LARP6: variants seen among roughly 807,000 people sequenced by gnomAD.
The protein encoded by LARP6 is la-related protein 6.
A neutral mutation model predicts 32.8 loss-of-function variants in LARP6; 18 were observed. The ratio of observed to expected loss-of-function variants is 0.55; its 90% confidence interval spans 0.38 to 0.81. The LOEUF is 0.81. LARP6 is among the 40% of genes least tolerant of loss of function. LARP6 has a pLI of 0.00. For missense variants in LARP6, 598 were observed against 663.1 expected (o/e 0.90, Z 1.08); for synonymous variants, 289 against 267.2 (o/e 1.08, Z -0.80).
chr15:70,837,633 C>T (rs1333971883), intron 1 of LARP6, among the ~76,000 whole-genome samples: 5 of 152,252 alleles, frequency 3.3e-5, no homozygotes, highest in Non-Finnish European at 7.4e-5. Context: ...TGCAGTGGTG[C>T]GATCTCCATG....
chr15:70,833,214 A>ACTAGAATCCCTGTATTCTAGTGT lies in LARP6; in HGVS notation c.412-121_412-99dup, dbSNP rs1297531311. ...TCCCTCACTTCCTTATCCCTGTAAC[A>ACTAGAATCCCTGTATTCTAGTGT]CTAGAATCCCTGTATTCTAGTGTCT... is the stretch of plus-strand genomic sequence containing the variant. On this transcript the variant is annotated intron_variant, in intron 2 of 2. Transcript: ENST00000299213. 3.2e-6 allele frequency: 3 copies of ACTAGAATCCCTGTATTCTAGTGT among 931,482 alleles called. No homozygotes were observed. The Admixed American group carries it at 5.9e-5, about 18-fold the overall frequency. The allele number at this position is 931,482 out of a possible 1,614,324, so 57.7% of individuals were successfully genotyped here.
chr15:70,854,128 C>G lies in LARP6; in HGVS notation c.-40G>C. On this transcript the variant is annotated 5_prime_UTR_variant, in exon 1 of 3. Coordinates refer to ENST00000299213, the MANE Select transcript of LARP6 (RefSeq NM_018357.4). ...CGGCGCCGCCGGGGTCCTCACGCCG[C>G]AAGGCCCAGCCAGCCGGTCGGCAGC... 1 of 1,217,022 alleles carries G rather than the reference C, an allele frequency of 8.2e-7. No individual in the cohort carries two copies. The highest frequency in any genetic ancestry group is 3.6e-5 in the South Asian group (1 of 27,860). The allele number at this position is 1,217,022 out of a possible 1,614,324, so 75.4% of individuals were successfully genotyped here.
intron 2 of LARP6, among the ~76,000 whole-genome samples, 181 bp from the exon 3 acceptor site, chr15:70,833,297 A>T (rs1205749049): frequency 2.6e-5 from 4 of 152,234 alleles, no homozygotes; most frequent in African/African-American, 9.6e-5. Context: ...TAAGTGAATG[A>T]AAACAAGTTC....
intron 1 of LARP6, among the ~76,000 whole-genome samples, chr15:70,848,382 A>C (rs1342111859): frequency 6.6e-6 from 1 of 152,226 alleles, no homozygotes; most frequent in Non-Finnish European, 1.5e-5. Context: ...AGTTTGGAGT[A>C]GAGACTACGT....
chr15:70,846,723 C>G (rs890525506), intron 1 of LARP6, among the ~76,000 whole-genome samples: 1 of 151,910 alleles, frequency 6.6e-6, no homozygotes, highest in African/African-American at 2.4e-5. Flanking sequence ...TAACCAGCAT[C>G]AAAACTTATT....
chr15:70,831,985 G>C lies in LARP6; in HGVS notation c.*67C>G, dbSNP rs539793434. 2.5e-5 allele frequency: 27 copies of C among 1,086,324 alleles called. 1 individual carries two copies. The South Asian group carries it at 5.1e-4, about 20-fold the overall frequency. 67.3% of individuals were successfully genotyped at this position (1,086,324 alleles called of 1,614,324 possible). On this transcript the variant is annotated 3_prime_UTR_variant, in exon 3 of 3. Coordinates refer to ENST00000299213, the MANE Select transcript of LARP6 (RefSeq NM_018357.4). ...GAACGAATTCCATTCTGTCATGCCA[G>C]GTGTTTGTCAGAACCTTGAAAACGA... is the stretch of plus-strand genomic sequence containing the variant.
chr15:70,847,601 C>A (rs2032371969), intron 1 of LARP6, among the ~76,000 whole-genome samples: 1 of 152,094 alleles, frequency 6.6e-6, no homozygotes, highest in African/African-American at 2.4e-5. Flanking sequence ...AAACTCCTAA[C>A]TTTGTGATCT....
chr15:70,844,248 T>C (rs748334888), intron 1 of LARP6, among the ~76,000 whole-genome samples: 1 of 152,164 alleles, frequency 6.6e-6, no homozygotes, highest in Non-Finnish European at 1.5e-5. Flanking sequence ...TGAGCCACCA[T>C]GCCCGGCCCT....
intron 1 of LARP6, among the ~76,000 whole-genome samples, chr15:70,841,500 G>T (rs1418674327): frequency 6.6e-6 from 1 of 152,172 alleles, no homozygotes; most frequent in Non-Finnish European, 1.5e-5. Context: ...TTGAATGTAT[G>T]TCTTAGGCAG....
intron 1 of LARP6, among the ~76,000 whole-genome samples, chr15:70,845,359 G>GCT (rs1439651094): frequency 6.6e-6 from 1 of 152,178 alleles, no homozygotes; most frequent in Non-Finnish European, 1.5e-5. Flanking sequence ...ACAGTGTTAA[G>GCT]AAGTACTGGT....
rs1372368027 is a variant in LARP6, at chr15:70,833,108, A to C, written c.420T>G (p.His140Gln). 6.2e-7 allele frequency: 1 copy of C among 1,613,700 alleles called. No homozygotes were observed. Among genetic ancestry groups the C allele is most frequent in the Non-Finnish European group, 8.5e-7 (1 of 1,179,770 alleles). The change falls in exon 3 of 3, where the codon CAT becomes CAG. Residue 140 changes from histidine (H) to glutamine (Q), a missense_variant. His to Gln is a conservative substitution (Grantham distance 24, BLOSUM62 0). Coordinates refer to ENST00000299213, the MANE Select transcript of LARP6 (RefSeq NM_018357.4). The stretch of plus-strand genomic sequence containing the variant: ...CTGTGGTTCTCCAGTCCCGTGTAAG[A>C]TGTTTCACCTGCAGAACATAAAGCA... Reference protein sequence around the residue: ...KLLTSFKKVKHLTRDWRTTAH... With the variant: ...KLLTSFKKVKQLTRDWRTTAH...
intron 1 of LARP6, among the ~76,000 whole-genome samples, chr15:70,845,666 G>T (rs1432860741): frequency 1.3e-5 from 2 of 152,350 alleles, no homozygotes; most frequent in South Asian, 4.2e-4. Flanking sequence ...AGGGTGTGGG[G>T]AGTTATACTC....
intron 1 of LARP6, among the ~76,000 whole-genome samples, chr15:70,851,243 A>G (rs1162766039): frequency 6.6e-6 from 1 of 152,220 alleles, no homozygotes; most frequent in Non-Finnish European, 1.5e-5. Context: ...AAACACATAC[A>G]TTGTATATCC....
Position 70,832,803 on chromosome 15 carries a change from T to G in LARP6, c.725A>C (p.Asp242Ala). The change falls in exon 3 of 3, where the codon GAC (aspartate) becomes GCC (alanine). Residue 242 changes from aspartate to alanine, a missense_variant. Physicochemically the swap from Asp to Ala is moderately radical, Grantham distance 126 (BLOSUM62 -2). Around this residue, in one of 3 missense-constraint regions of LARP6, gnomAD observed 368 missense variants for 397.9 expected, o/e 0.92. Transcript: ENST00000299213. ...ILKPGRELPP[D>A]IRRISSRYSQ... is the part of the protein sequence containing the mutation. ...GTAGCGGCTGCTGATCCTCCGGATG[T>G]CAGGGGGCAGCTCTCTCCCAGGTTT... is the stretch of plus-strand genomic sequence containing the variant. 1 of 1,612,292 alleles carries G rather than the reference T, an allele frequency of 6.2e-7. No homozygotes were observed. Among genetic ancestry groups the G allele is most frequent in the South Asian group, 1.1e-5 (1 of 90,794 alleles).
In LARP6 at chr15:70,830,390, G is replaced by A. The variant is rs1250319452; in HGVS notation, c.*1662C>T. 1.3e-5 allele frequency: 2 copies of A among 152,368 alleles called. No individual in the cohort carries two copies. Among genetic ancestry groups the A allele is most frequent in the East Asian group, 3.9e-4 (2 of 5,190 alleles). 9.4% of individuals were successfully genotyped at this position (152,368 alleles called of 1,614,324 possible). ...GATGGACACTGAGAGTAAGTGAAAT[G>A]TGTCTAACCCAATGCCTAGCACGTA... On this transcript the variant is annotated 3_prime_UTR_variant, in exon 3 of 3. Coordinates refer to ENST00000299213, the MANE Select transcript of LARP6 (RefSeq NM_018357.4).
At position 70,832,073 on chromosome 15, in the gene LARP6, C is replaced by G. The variant is rs888073808; in HGVS notation, c.1455G>C (p.Glu485Asp). Residue 485 changes from glutamate to aspartate, a missense_variant, in exon 3 of 3, where the codon GAG becomes GAC. Transcript: ENST00000299213. ...PDNTRGFHGH[E>D]RSRACV Reference sequence around the variant, plus strand: ...GTATTTATACACAGGCCCTGCTCCTCTCATGGCCATGAAATCCTCTGGTGT... The same window carrying G: ...GTATTTATACACAGGCCCTGCTCCTGTCATGGCCATGAAATCCTCTGGTGT... 2.0e-6 allele frequency: 3 copies of G among 1,531,380 alleles called. No homozygotes were observed. The South Asian group carries it at 3.9e-5, about 20-fold the overall frequency. The allele number at this position is 1,531,380 out of a possible 1,614,324, so 94.9% of individuals were successfully genotyped here. A position where few individuals can be genotyped will look rare whatever the true frequency, so the allele number is the denominator to read the frequency against.
rs1166055685 is a variant in LARP6, at chr15:70,832,161, C to T, written c.1367G>A (p.Arg456Gln). 6.8e-6 allele frequency: 11 copies of T among 1,613,332 alleles called. No homozygotes were observed. Among genetic ancestry groups the T allele is most frequent in the South Asian group, 1.1e-5 (1 of 90,912 alleles). Reference sequence around the variant, plus strand: ...TAGCCCATCTGCAGTCTGCATCTTCCGGGAGAGCAGGGGACTCGTACCGGG... The same window carrying T: ...TAGCCCATCTGCAGTCTGCATCTTCTGGGAGAGCAGGGGACTCGTACCGGG... ...KSPGTSPLLS[R>Q]KMQTADGLPV... is the part of the protein sequence containing the mutation. The change falls in exon 3 of 3, where the codon CGG (arginine) becomes CAG (glutamine). Residue 456 changes from arginine to glutamine, a missense_variant. Arg to Gln is a conservative substitution (Grantham distance 43, BLOSUM62 1). Coordinates refer to ENST00000299213, the MANE Select transcript of LARP6 (RefSeq NM_018357.4).
chr15:70,851,583 C>A, intron 1 of LARP6: 1 of 1,584,618 alleles, frequency 6.3e-7, no homozygotes, highest in South Asian at 1.2e-5. Flanking sequence ...ACAAATATCT[C>A]AACACCATTG....
chr15:70,847,408 C>T (rs1388908973), intron 1 of LARP6, among the ~76,000 whole-genome samples: 5 of 151,428 alleles, frequency 3.3e-5, no homozygotes, highest in African/African-American at 4.9e-5. Flanking sequence ...CTCACTCTAT[C>T]GCCTAGGCTG....
Sources: allele counts gnomAD v4.1 joint callset (sites outside exome capture counted in the v4.1 genomes callset), GRCh38; gene constraint gnomAD v4.1.1; regional missense constraint gnomAD v4.1.1; transcripts MANE v1.5; gene names NCBI Gene and HGNC (gene_info 2026-07-23, HGNC 2026-07-21).